The following NPAS3 variants were observed in gnomAD, a reference collection of about 807,000 sequenced individuals.
NPAS3 encodes neuronal PAS domain-containing protein 3.
A neutral mutation model predicts 73.1 loss-of-function variants in NPAS3; 14 were observed. That is an observed-to-expected ratio of 0.19 (90% confidence interval 0.13 to 0.30). The LOEUF (loss-of-function observed/expected upper bound fraction) is 0.30. Ranked by LOEUF, NPAS3 falls within the 10% of genes least tolerant of loss-of-function variation. The pLI, the probability that NPAS3 is intolerant of heterozygous loss-of-function variation, is 1.00. For missense variants in NPAS3, 1,096 were observed against 1,250.0 expected (o/e 0.88, Z 1.86); for synonymous variants, 620 against 541.5 (o/e 1.14, Z -2.01).
At chr14:33,585,788 T>C (rs1319375848) in intron 5 of NPAS3, among the ~76,000 whole-genome samples, 1 of 152,188 alleles carries the variant, frequency 6.6e-6, no homozygotes, top group Non-Finnish European at 1.5e-5. Flanking sequence ...AGATGCAGCA[T>C]GAAAGTCTCA....
chr14:33,737,499 A>G (rs559115624), intron 7 of NPAS3, among the ~76,000 whole-genome samples: 1 of 152,134 alleles, frequency 6.6e-6, no homozygotes, highest in Non-Finnish European at 1.5e-5. Flanking sequence ...CCCTGTCAGC[A>G]GGTCTTTCTC....
At chr14:33,784,750 T>TTTTTTTTA (rs2063108774) in intron 9 of NPAS3, among the ~76,000 whole-genome samples, 4 of 123,034 alleles carry the variant, frequency 3.3e-5, no homozygotes, top group African/African-American at 1.4e-4. Context: ...TATTTATTTT[T>TTTTTTTTA]TTTTTTTTTT....
intron 5 of NPAS3, among the ~76,000 whole-genome samples, chr14:33,650,594 C>T (rs2058963523): frequency 6.6e-6 from 1 of 152,230 alleles, no homozygotes; most frequent in Non-Finnish European, 1.5e-5. Flanking sequence ...CATCCCTTCA[C>T]CTCTGATCTT....
At position 33,594,608 on chromosome 14, in the gene NPAS3, G is replaced by A. The variant is rs144202871; in HGVS notation, c.558+34398G>A. On this transcript the variant is annotated intron_variant, in intron 5 of 11. Transcript: ENST00000356141. ...GGACCCCAGTTCCAGACCTCTGCCT[G>A]CCCAGCCTCCTGCTGGCCCAGGAAG... Among the ~76,000 whole-genome samples, 37 of 152,196 alleles carry A rather than the reference G, an allele frequency of 2.4e-4. No individual in the cohort carries two copies. The East Asian group carries it at 7.0e-3, about 29-fold the overall frequency.
intron 5 of NPAS3, among the ~76,000 whole-genome samples, chr14:33,607,846 C>T (rs890783232): frequency 2.0e-5 from 3 of 152,128 alleles, no homozygotes; most frequent in Admixed American, 1.3e-4. Flanking sequence ...GAAGCAAACA[C>T]GTCCTTCACG....
chr14:33,789,627 C>G (rs912321774), intron 9 of NPAS3, among the ~76,000 whole-genome samples: 31 of 114,186 alleles, frequency 2.7e-4, no homozygotes, highest in African/African-American at 8.6e-4. Context: ...CTCGCTCTGT[C>G]GCCCAGGCTG....
At chr14:33,452,756 CAG>C (rs1324987198) in intron 4 of NPAS3, among the ~76,000 whole-genome samples, 2 of 104,184 alleles carry the variant, frequency 1.9e-5, no homozygotes, top group Admixed American at 1.6e-4. Context: ...GCCTGGGCGA[CAG>C]AGTTAGACTC....
chr14:33,019,273 A>G (rs544566036), intron 1 of NPAS3, among the ~76,000 whole-genome samples: 1 of 152,364 alleles, frequency 6.6e-6, no homozygotes, highest in Admixed American at 6.5e-5. Flanking sequence ...TTAATTAGTG[A>G]TTCAAAGGAA....
intron 3 of NPAS3, among the ~76,000 whole-genome samples, chr14:33,282,337 G>A (rs2041662002): frequency 6.6e-6 from 1 of 152,176 alleles, no homozygotes. Context: ...CCAGTTCTGT[G>A]CCTGGCAGCT....
intron 7 of NPAS3, among the ~76,000 whole-genome samples, chr14:33,747,897 C>T (rs78605219): frequency 0.023 from 3,512 of 152,228 alleles, 144 homozygotes; most frequent in African/African-American, 0.08. Flanking sequence ...CTTTCCTCAC[C>T]TCCCCATCTA....
At chr14:33,273,120 C>G (rs1441129910) in intron 3 of NPAS3, among the ~76,000 whole-genome samples, 1 of 152,156 alleles carries the variant, frequency 6.6e-6, no homozygotes, top group East Asian at 1.9e-4. Context: ...GGCTGGTCTG[C>G]ACAGTGTGTG....
intron 3 of NPAS3, 114 bp downstream of exon 3, chr14:33,215,540 T>C (rs758129957): frequency 1.2e-5 from 14 of 1,185,304 alleles, no homozygotes; most frequent in Admixed American, 3.5e-5. Context: ...TTTAAAGGGA[T>C]ACAAATGTGG....
At chr14:33,098,746 A>G (rs996508103) in intron 2 of NPAS3, among the ~76,000 whole-genome samples, 7 of 152,252 alleles carry the variant, frequency 4.6e-5, no homozygotes, top group Non-Finnish European at 1.5e-5. Context: ...ATAACTTAGT[A>G]TACTCAAGTT....
At chr14:33,714,327 C>T (rs1171774708) in intron 6 of NPAS3, among the ~76,000 whole-genome samples, 2 of 151,826 alleles carry the variant, frequency 1.3e-5, no homozygotes, top group Non-Finnish European at 2.9e-5. Flanking sequence ...CTCCTCCCAC[C>T]CGTCACTCTC....
intron 4 of NPAS3, among the ~76,000 whole-genome samples, chr14:33,472,028 C>G (rs2050808212): frequency 6.6e-6 from 1 of 152,356 alleles, no homozygotes; most frequent in East Asian, 1.9e-4. Flanking sequence ...CACTGTCTCC[C>G]TCTCTGCCCT....
At chr14:33,302,413 A>G (rs2042588293) in intron 3 of NPAS3, among the ~76,000 whole-genome samples, 2 of 152,224 alleles carry the variant, frequency 1.3e-5, no homozygotes, top group South Asian at 2.1e-4. Flanking sequence ...TCAGAAATTA[A>G]CAAGGGTCAG....
intron 2 of NPAS3, among the ~76,000 whole-genome samples, chr14:33,212,786 G>A (rs1326013415): frequency 1.3e-5 from 2 of 151,908 alleles, no homozygotes; most frequent in Admixed American, 6.6e-5. Flanking sequence ...TAAATATTAC[G>A]GTATATTACA....
intron 1 of NPAS3, among the ~76,000 whole-genome samples, chr14:33,047,317 A>G (rs2040543743): frequency 6.6e-6 from 1 of 152,216 alleles, no homozygotes; most frequent in Admixed American, 6.5e-5. Context: ...GAAGAAGATA[A>G]TTAATATGTG....
intron 3 of NPAS3, among the ~76,000 whole-genome samples, chr14:33,308,417 A>G (rs1367437353): frequency 6.6e-6 from 1 of 151,714 alleles, no homozygotes; most frequent in African/African-American, 2.4e-5. Context: ...GCCGAATATC[A>G]GGAAGCTTCA....
Sources: gnomAD v4.1 joint callset for allele counts (sites outside exome capture counted in the v4.1 genomes callset) on GRCh38, gnomAD v4.1.1 for gene constraint, MANE v1.5 for transcripts, NCBI Gene and HGNC (gene_info 2026-07-23, HGNC 2026-07-21) for gene names.